Variants in LRRTM3 observed in about 807,000 individuals in gnomAD.
LRRTM3 encodes the protein leucine-rich repeat transmembrane neuronal protein 3.
In LRRTM3, 24 loss-of-function variants were observed where a neutral mutation model predicts 44.7. That is an observed-to-expected ratio of 0.54 (90% CI 0.39 to 0.76). The LOEUF is 0.76. LRRTM3 is among the 30% of genes least tolerant of loss of function. The probability of loss-of-function intolerance (pLI) is 0.00; values close to 1 mark genes in which losing one functional copy is unlikely to be tolerated. For missense variants in LRRTM3, 587 were observed against 702.2 expected (o/e 0.84, Z 1.85); for synonymous variants, 277 against 278.7 (o/e 0.99, Z 0.06).
rs1360094858 is a variant in LRRTM3 at position 67,097,845 on chromosome 10, G to A, written c.*49G>A. 1 of 1,542,426 alleles carries A rather than the reference G, an allele frequency of 6.5e-7. No individual in the cohort carries two copies. The highest frequency in any genetic ancestry group is 9.0e-7 in the Non-Finnish European group (1 of 1,116,856). On this transcript the variant is annotated 3_prime_UTR_variant, in exon 3 of 3. Coordinates refer to ENST00000361320, the MANE Select transcript of LRRTM3 (RefSeq NM_178011.5). ...TTGCTACCAAACTTTGTAACCTCAA[G>A]GACAAAATGAGGAAGATGTGTTCAT...
intron 2 of LRRTM3, among the ~76,000 whole-genome samples, chr10:67,030,415 A>T (rs1231508296): frequency 6.6e-6 from 1 of 152,172 alleles, no homozygotes; most frequent in Non-Finnish European, 1.5e-5. Flanking sequence ...TTAAAAATTT[A>T]GGCCCTGTTG....
chr10:67,091,800 T>A (rs1311591577), intron 2 of LRRTM3, among the ~76,000 whole-genome samples: 1 of 152,032 alleles, frequency 6.6e-6, no homozygotes, highest in Non-Finnish European at 1.5e-5. Flanking sequence ...ACAAGTAGAT[T>A]AAGCTGACTT....
At chr10:67,091,866 G>C (rs1857665554) in intron 2 of LRRTM3, among the ~76,000 whole-genome samples, 1 of 152,010 alleles carries the variant, frequency 6.6e-6, no homozygotes, top group African/African-American at 2.4e-5. Context: ...GAACCAGTTT[G>C]TATTCAGAGA....
chr10:67,049,039 T>A (rs997476123), intron 2 of LRRTM3, among the ~76,000 whole-genome samples: 2 of 151,972 alleles, frequency 1.3e-5, no homozygotes, highest in East Asian at 1.9e-4. Context: ...GGTTTTTTTT[T>A]TTTTTGTACT....
At chr10:67,060,971 C>A (rs1342445108) in intron 2 of LRRTM3, among the ~76,000 whole-genome samples, 2 of 152,044 alleles carry the variant, frequency 1.3e-5, no homozygotes, top group Non-Finnish European at 2.9e-5. Context: ...AAAAAGGCAT[C>A]CAGAAGTGAC....
At chr10:67,035,032 C>T (rs928933485) in intron 2 of LRRTM3, among the ~76,000 whole-genome samples, 1 of 152,164 alleles carries the variant, frequency 6.6e-6, no homozygotes, top group South Asian at 2.1e-4. Context: ...TTGAGGTCAC[C>T]AGTTAGAAGT....
chr10:67,047,694 G>A (rs1165035725), intron 2 of LRRTM3, among the ~76,000 whole-genome samples: 2 of 152,006 alleles, frequency 1.3e-5, no homozygotes, highest in Non-Finnish European at 2.9e-5. Context: ...ATACCCATCA[G>A]CTTTCACATA....
intron 2 of LRRTM3, among the ~76,000 whole-genome samples, chr10:67,074,034 C>CCT (rs1554912985): frequency 1.8e-5 from 2 of 109,436 alleles, no homozygotes; most frequent in Non-Finnish European, 3.5e-5. Context: ...CATTTTAACT[C>CCT]TTTTTTTTTT....
chr10:67,066,124 C>G (rs1480307976), intron 2 of LRRTM3, among the ~76,000 whole-genome samples: 1 of 151,048 alleles, frequency 6.6e-6, no homozygotes, highest in Non-Finnish European at 1.5e-5. Flanking sequence ...GAGATGAGAT[C>G]TAACTTTCTC....
chr10:67,000,343 G>A (rs1589577371), intron 2 of LRRTM3, among the ~76,000 whole-genome samples: 1 of 152,170 alleles, frequency 6.6e-6, no homozygotes, highest in East Asian at 1.9e-4. Context: ...TGACCCAATA[G>A]ACAAGACAGC....
At chr10:67,059,898 G>A (rs538664763) in intron 2 of LRRTM3, among the ~76,000 whole-genome samples, 36 of 152,088 alleles carry the variant, frequency 2.4e-4, no homozygotes, top group Admixed American at 2.2e-3. Context: ...AATATTTTAG[G>A]TGCCATAGGG....
At chr10:66,945,592 C>T (rs1848232457) in intron 2 of LRRTM3, among the ~76,000 whole-genome samples, 1 of 152,176 alleles carries the variant, frequency 6.6e-6, no homozygotes, top group South Asian at 2.1e-4. Flanking sequence ...TGGAGTAGCA[C>T]TTTTCATTTT....
chr10:67,029,185 A>C (rs533861006), intron 2 of LRRTM3, among the ~76,000 whole-genome samples: 2 of 152,288 alleles, frequency 1.3e-5, no homozygotes, highest in South Asian at 2.1e-4. Context: ...ATTACTCCAT[A>C]AGCTAAATAT....
At position 67,011,180 on chromosome 10, in the gene LRRTM3, T is replaced by A. The variant is rs1422985312; in HGVS notation, c.1536+82728T>A. On this transcript the variant is annotated intron_variant, in intron 2 of 2. Coordinates refer to ENST00000361320, the MANE Select transcript of LRRTM3 (RefSeq NM_178011.5). ...CCGTCTCTACTAAAAATACAAAAAA[T>A]AAATAAATAAATTAGCCGGGTGTGG... Among the ~76,000 whole-genome samples, 7 of 151,534 alleles carry A rather than the reference T, an allele frequency of 4.6e-5. No homozygotes were observed. In the East Asian group the frequency reaches 1.4e-3, roughly 29 times the overall value.
At chr10:67,069,901 G>A (rs1406289000) in intron 2 of LRRTM3, among the ~76,000 whole-genome samples, 1 of 152,096 alleles carries the variant, frequency 6.6e-6, no homozygotes, top group Non-Finnish European at 1.5e-5. Flanking sequence ...TGGTTAACAT[G>A]TGTACATATT....
chr10:67,058,888 C>G (rs1458884194), intron 2 of LRRTM3, among the ~76,000 whole-genome samples: 3 of 152,136 alleles, frequency 2.0e-5, no homozygotes, highest in African/African-American at 7.2e-5. Flanking sequence ...CTTAGTATGA[C>G]TACACCTGCC....
intron 2 of LRRTM3, among the ~76,000 whole-genome samples, chr10:67,085,600 TA>T (rs1238321082): frequency 6.6e-6 from 1 of 152,028 alleles, no homozygotes; most frequent in East Asian, 1.9e-4. Flanking sequence ...TTGTCAGACT[TA>T]CTTTTAAAGT....
rs549256848 is a variant in LRRTM3 at position 66,968,621 on chromosome 10, C to G, written c.1536+40169C>G. Among the ~76,000 whole-genome samples the G allele has an allele frequency of 2.6e-5, 4 of 152,092 alleles. No individual in the cohort carries two copies. The East Asian group carries it at 7.7e-4, about 29-fold the overall frequency. On this transcript the variant is annotated intron_variant, in intron 2 of 2. Coordinates refer to ENST00000361320, the MANE Select transcript of LRRTM3 (RefSeq NM_178011.5). ...CAGCACCTAACAGAGAAAAGACACTCAATACATATTCATTAAAAGAAGAAT... is the reference window on the plus strand; with the variant it reads ...CAGCACCTAACAGAGAAAAGACACTGAATACATATTCATTAAAAGAAGAAT...
At chr10:66,943,399 C>T (rs1235095906) in intron 2 of LRRTM3, among the ~76,000 whole-genome samples, 1 of 151,966 alleles carries the variant, frequency 6.6e-6, no homozygotes. Flanking sequence ...CTGACTATAC[C>T]ACTCAAAAAG....
Sources: gnomAD v4.1 joint callset for allele counts (sites outside exome capture counted in the v4.1 genomes callset) on GRCh38, gnomAD v4.1.1 for gene constraint, MANE v1.5 for transcripts, NCBI Gene and HGNC (gene_info 2026-07-23, HGNC 2026-07-21) for gene names.